POLQ: variants seen among roughly 807,000 people sequenced by gnomAD.
POLQ encodes epididymis secretory sperm binding protein.
A neutral mutation model predicts 259.2 loss-of-function variants in POLQ; 233 were observed. The ratio of observed to expected loss-of-function variants is 0.90; its 90% CI spans 0.81 to 1.00. POLQ has a LOEUF of 1.00. Among genes scored for constraint, POLQ ranks in the 50% least tolerant of loss-of-function variants. The pLI is 0.00. For synonymous variants in POLQ, 1,025 were observed against 1,048.8 expected, an observed-to-expected ratio of 0.98 and a Z score of 0.44; for missense variants, 2,871 against 3,051.6, an observed-to-expected ratio of 0.94 and a Z score of 1.39.
At chr3:121,510,359 C>T (rs1253902100) in intron 10 of POLQ, 116 bp from the exon 11 acceptor site, 10 of 672,482 alleles carry the variant, frequency 1.5e-5, no homozygotes, top group East Asian at 2.7e-5. Flanking sequence ...GGGCGGATCA[C>T]GAGGTCTGGA....
At chr3:121,498,787 G>T in intron 12 of POLQ, 117 bp from the exon 13 acceptor site, 1 of 710,438 alleles carries the variant, frequency 1.4e-6, no homozygotes, top group African/African-American at 1.8e-5. Context: ...TGTAGTCCTA[G>T]CTACTCAGAA....
chr3:121,437,585 C>T (rs1191727181), intron 27 of POLQ, among the ~76,000 whole-genome samples: 2 of 152,174 alleles, frequency 1.3e-5, no homozygotes, highest in Non-Finnish European at 2.9e-5. Flanking sequence ...GACTCACATA[C>T]TCTTCTGAAG....
intron 9 of POLQ, among the ~76,000 whole-genome samples, chr3:121,513,536 A>G (rs1035863982): frequency 3.5e-5 from 5 of 140,870 alleles, no homozygotes; most frequent in African/African-American, 1.1e-4. Flanking sequence ...CAGGAGGCAG[A>G]GGTTGCAGTG....
chr3:121,481,267 G>A (rs1274446391), intron 19 of POLQ, among the ~76,000 whole-genome samples: 1 of 152,208 alleles, frequency 6.6e-6, no homozygotes, highest in Non-Finnish European at 1.5e-5. Context: ...CCAGAAGTCA[G>A]CAAATTATGG....
At chr3:121,542,567 G>T (rs73857910) in intron 2 of POLQ, among the ~76,000 whole-genome samples, 2,128 of 152,216 alleles carry the variant, frequency 0.014, 53 homozygotes, top group African/African-American at 0.048. Flanking sequence ...CCACAAGAAA[G>T]GTTTATAATC....
At chr3:121,519,043 TA>T (rs1217945704) in intron 9 of POLQ, among the ~76,000 whole-genome samples, 1 of 150,432 alleles carries the variant, frequency 6.6e-6, no homozygotes, top group Admixed American at 6.6e-5. Flanking sequence ...TGATACAAGG[TA>T]AAAAAAAATG....
At chr3:121,530,620 CATT>C (rs1441932334) in intron 6 of POLQ, among the ~76,000 whole-genome samples, 1 of 152,062 alleles carries the variant, frequency 6.6e-6, no homozygotes, top group African/African-American at 2.4e-5. Flanking sequence ...GGTGGGGAAA[CATT>C]ATCTCAAAGA....
At chr3:121,526,047 A>G (rs1278916163) in intron 7 of POLQ, among the ~76,000 whole-genome samples, 1 of 152,148 alleles carries the variant, frequency 6.6e-6, no homozygotes, top group Non-Finnish European at 1.5e-5. Flanking sequence ...CTTTCCATAG[A>G]GTACAGTGCG....
chr3:121,516,576 T>C (rs1178857192), intron 9 of POLQ, among the ~76,000 whole-genome samples: 2 of 152,204 alleles, frequency 1.3e-5, no homozygotes, highest in African/African-American at 4.8e-5. Context: ...AAGAGGGAAG[T>C]TGAAATTATT....
intron 26 of POLQ, among the ~76,000 whole-genome samples, chr3:121,443,017 C>T (rs1361403808): frequency 6.6e-6 from 1 of 152,048 alleles, no homozygotes; most frequent in African/African-American, 2.4e-5. Flanking sequence ...ACTACCATGC[C>T]CGGCTAATTT....
chr3:121,467,838 C>A (rs1354456563), intron 23 of POLQ, among the ~76,000 whole-genome samples, 198 bp from the exon 24 acceptor site: 2 of 152,098 alleles, frequency 1.3e-5, no homozygotes, highest in African/African-American at 4.8e-5. Flanking sequence ...CCCAGGAGTT[C>A]GGGTCTAGTT....
At chr3:121,434,055 C>G (rs925779897) in intron 28 of POLQ, among the ~76,000 whole-genome samples, 1 of 152,212 alleles carries the variant, frequency 6.6e-6, no homozygotes, top group Admixed American at 6.5e-5. Context: ...ATCGGATCTG[C>G]CCCATGAAGC....
chr3:121,456,770 G>C (rs936561666), intron 25 of POLQ, among the ~76,000 whole-genome samples: 3 of 152,144 alleles, frequency 2.0e-5, no homozygotes, highest in Non-Finnish European at 4.4e-5. Context: ...CATGCTCATA[G>C]GTAGGAAGAA....
chr3:121,522,916 C>A (rs1250186195), intron 7 of POLQ, among the ~76,000 whole-genome samples: 1 of 152,178 alleles, frequency 6.6e-6, no homozygotes, highest in Non-Finnish European at 1.5e-5. Flanking sequence ...AATCCCGTCA[C>A]GAAAAAGCCT....
chr3:121,486,138 T>A (rs941439126), intron 16 of POLQ, among the ~76,000 whole-genome samples: 3 of 152,214 alleles, frequency 2.0e-5, no homozygotes, highest in Non-Finnish European at 4.4e-5. Context: ...GAGGTCTAAG[T>A]TCTACTCAAG....
chr3:121,481,407 T>C (rs1363043514), intron 19 of POLQ, among the ~76,000 whole-genome samples, 165 bp downstream of exon 19: 1 of 152,216 alleles, frequency 6.6e-6, no homozygotes, highest in African/African-American at 2.4e-5. Flanking sequence ...TTGTTTAGTT[T>C]ACAAAGCCAA....
chr3:121,531,051 G>C (rs1025509712), intron 6 of POLQ, among the ~76,000 whole-genome samples: 1 of 152,140 alleles, frequency 6.6e-6, no homozygotes, highest in Non-Finnish European at 1.5e-5. Context: ...GTTGGGCATG[G>C]TGGCGCATGT....
rs1553816497 is a variant in POLQ at position 121,508,032 on chromosome 3, T to TTTG, written c.1959+1528_1959+1529insCAA. Among the ~76,000 whole-genome samples the TTTG allele has an allele frequency of 3.2e-3, 489 of 151,156 alleles. 2 individuals carry two copies. Among genetic ancestry groups the TTTG allele is most frequent in the African/African-American group, 0.011 (470 of 41,126 alleles). ...CCATACACAATTTTTTTTTTTTTTT[T>TTTG]TTTGTTTGGTAGCGACAGATTCTTG... On this transcript the variant is annotated intron_variant, in intron 12 of 29. Transcript: ENST00000264233.
chr3:121,486,000 G>A (rs2048007854), intron 16 of POLQ, among the ~76,000 whole-genome samples: 1 of 152,204 alleles, frequency 6.6e-6, no homozygotes, highest in Admixed American at 6.5e-5. Flanking sequence ...CCAGAAGGCA[G>A]AGCTCACGCA....
Sources: allele counts gnomAD v4.1 joint callset (sites outside exome capture counted in the v4.1 genomes callset), GRCh38; gene constraint gnomAD v4.1.1; transcripts MANE v1.5; gene names NCBI Gene and HGNC (gene_info 2026-07-23, HGNC 2026-07-21).